EVA1C: variants seen among roughly 807,000 people sequenced by gnomAD.
EVA1C encodes eva-1 homolog C.
Under a neutral mutation model 45.4 loss-of-function variants are expected in EVA1C, and 25 were observed. That is an observed-to-expected ratio of 0.55 (90% CI 0.40 to 0.77). The LOEUF (loss-of-function observed/expected upper bound fraction) is 0.77. Among genes scored for constraint, EVA1C ranks in the 30% least tolerant of loss-of-function variants. The pLI is 0.00. For synonymous variants in EVA1C, 190 were observed against 221.2 expected, an observed-to-expected ratio of 0.86 and a Z score of 1.25; for missense variants, 479 against 554.8, an observed-to-expected ratio of 0.86 and a Z score of 1.37.
chr21:32,418,987 T>G (rs1034473629), intron 1 of EVA1C, among the ~76,000 whole-genome samples: 8 of 152,212 alleles, frequency 5.3e-5, no homozygotes, highest in Admixed American at 3.3e-4. Flanking sequence ...AAAAAAGGAG[T>G]TAAGTTTTGC....
rs192326747 is a variant in EVA1C at position 32,420,831 on chromosome 21, G to C, written c.160+7818G>C. Among the ~76,000 whole-genome samples the C allele has an allele frequency of 2.2e-3, 335 of 152,366 alleles. 1 individual carries two copies. Among genetic ancestry groups the C allele is most frequent in the Middle Eastern group, 3.4e-3 (1 of 294 alleles). On this transcript the variant is annotated intron_variant, in intron 1 of 7. Transcript: ENST00000300255. ...AAAAAGTTCAAGAAACTGAGGCAAAGAGCAATTTAGTAACTTTTGGGGATT... is the reference window on the plus strand; with the variant it reads ...AAAAAGTTCAAGAAACTGAGGCAAACAGCAATTTAGTAACTTTTGGGGATT...
intron 3 of EVA1C, among the ~76,000 whole-genome samples, chr21:32,461,129 G>A (rs2035982228): frequency 6.6e-6 from 1 of 152,228 alleles, no homozygotes; most frequent in South Asian, 2.1e-4. Flanking sequence ...TGCAGGGATG[G>A]AGGGCACAGA....
intron 1 of EVA1C, among the ~76,000 whole-genome samples, chr21:32,424,477 A>G (rs1251212003): frequency 6.6e-6 from 1 of 152,110 alleles, no homozygotes; most frequent in East Asian, 1.9e-4. Context: ...AAAAATGTAC[A>G]CTGAACCCAA....
At chr21:32,416,183 AT>A (rs904349235) in intron 1 of EVA1C, among the ~76,000 whole-genome samples, 25 of 151,322 alleles carry the variant, frequency 1.7e-4, no homozygotes, top group South Asian at 6.3e-4. Flanking sequence ...TTAGTTTGTG[AT>A]GGTCCCTCAG....
At chr21:32,460,942 C>T (rs1302332788) in intron 3 of EVA1C, among the ~76,000 whole-genome samples, 1 of 152,182 alleles carries the variant, frequency 6.6e-6, no homozygotes, top group East Asian at 1.9e-4. Flanking sequence ...GACAGGGTTT[C>T]ACCATGTTGG....
At chr21:32,508,119 CT>C (rs1022093934) in intron 7 of EVA1C, among the ~76,000 whole-genome samples, 35 of 152,222 alleles carry the variant, frequency 2.3e-4, no homozygotes, top group Non-Finnish European at 4.9e-4. Flanking sequence ...CCATTGTCCC[CT>C]GGCAGATTGT....
chr21:32,512,827 G>C (rs990537324), intron 7 of EVA1C, among the ~76,000 whole-genome samples: 1 of 152,078 alleles, frequency 6.6e-6, no homozygotes, highest in African/African-American at 2.4e-5. Context: ...CACAGAAGGA[G>C]AGGGTTTGGA....
In EVA1C at chr21:32,483,281, C is replaced by T. The variant is rs114849935; in HGVS notation, c.635-11746C>T. ...CCTGATTTGAATGTGGGTGGCCTGTCTGGCGCCCGAATGTGCAGCAGTGAC... is the reference window on the plus strand; with the variant it reads ...CCTGATTTGAATGTGGGTGGCCTGTTTGGCGCCCGAATGTGCAGCAGTGAC... On this transcript the variant is annotated intron_variant, in intron 4 of 7. Coordinates refer to ENST00000300255, the MANE Select transcript of EVA1C (RefSeq NM_058187.5). Among the ~76,000 whole-genome samples, 525 of 152,314 alleles carry T rather than the reference C, an allele frequency of 3.4e-3. 8 individuals are homozygous for T. The highest frequency in any genetic ancestry group is 0.012 in the African/African-American group (508 of 41,578).
chr21:32,506,329 A>G (rs1002413923), intron 7 of EVA1C, among the ~76,000 whole-genome samples: 37 of 149,874 alleles, frequency 2.5e-4, no homozygotes, highest in Admixed American at 1.3e-4. Context: ...ATATGGGCTT[A>G]TGAGCTTTTT....
intron 1 of EVA1C, among the ~76,000 whole-genome samples, chr21:32,447,446 T>C (rs1432220454): frequency 5.3e-5 from 8 of 152,032 alleles, no homozygotes; most frequent in Non-Finnish European, 1.0e-4. Flanking sequence ...TACACATACA[T>C]ATATGCACAA....
rs1434463488 is a variant in EVA1C, at chr21:32,474,432, C to T, written c.634+6584C>T. On this transcript the variant is annotated intron_variant, in intron 4 of 7. Coordinates refer to ENST00000300255, the MANE Select transcript of EVA1C (RefSeq NM_058187.5). The surrounding 1 kb of genome is among the most constrained non-coding windows in gnomAD (Gnocchi z 4.4). ...TGTGCTCACCCCATATCTTGTGTGG[C>T]TGGCTTTGCCACACAAGACATCGAC... Among the ~76,000 whole-genome samples, 1 of 152,186 alleles carries T rather than the reference C, an allele frequency of 6.6e-6. No homozygotes were observed. Among genetic ancestry groups the T allele is most frequent in the Non-Finnish European group, 1.5e-5 (1 of 68,042 alleles).
intron 1 of EVA1C, among the ~76,000 whole-genome samples, chr21:32,414,358 C>T (rs991877693): frequency 1.3e-5 from 2 of 152,034 alleles, no homozygotes; most frequent in African/African-American, 2.4e-5. Flanking sequence ...TCTGTATTAG[C>T]TGATTTGAGC....
chr21:32,445,589 C>G (rs1273202106), intron 1 of EVA1C, among the ~76,000 whole-genome samples: 1 of 152,118 alleles, frequency 6.6e-6, no homozygotes, highest in Non-Finnish European at 1.5e-5. Context: ...TTTCTATAGT[C>G]ACTGGATTAT....
intron 1 of EVA1C, among the ~76,000 whole-genome samples, chr21:32,435,811 T>C (rs1299425425): frequency 6.6e-6 from 1 of 152,274 alleles, no homozygotes; most frequent in East Asian, 1.9e-4. Context: ...TGTCTCAATT[T>C]ATCATGATAC....
At chr21:32,492,703 TC>T (rs986239765) in intron 4 of EVA1C, among the ~76,000 whole-genome samples, 1 of 105,982 alleles carries the variant, frequency 9.4e-6, no homozygotes, top group African/African-American at 3.9e-5. Flanking sequence ...AGGACAGTTT[TC>T]TTTTGTTTTT....
At chr21:32,420,640 C>T (rs1054535853) in intron 1 of EVA1C, among the ~76,000 whole-genome samples, 7 of 152,174 alleles carry the variant, frequency 4.6e-5, no homozygotes, top group East Asian at 3.9e-4. Flanking sequence ...GAGAGCCACC[C>T]GCCCTGGCCT....
intron 4 of EVA1C, among the ~76,000 whole-genome samples, chr21:32,476,787 G>A (rs865928784): frequency 2.0e-5 from 3 of 152,236 alleles, no homozygotes; most frequent in East Asian, 1.9e-4. Flanking sequence ...CAGTACTCCC[G>A]TATCCTGCAC....
intron 3 of EVA1C, among the ~76,000 whole-genome samples, chr21:32,461,026 G>A (rs573689525): frequency 3.3e-5 from 5 of 152,342 alleles, no homozygotes; most frequent in South Asian, 4.1e-4. Flanking sequence ...GATCACAGGC[G>A]TGAACCACAG....
At chr21:32,497,156 C>G in intron 5 of EVA1C, 1 of 798,048 alleles carries the variant, frequency 1.3e-6, no homozygotes, top group Non-Finnish European at 2.3e-6. Flanking sequence ...AGTGGGAAAA[C>G]TCTATCCACT....
Sources: gnomAD v4.1 joint callset for allele counts (sites outside exome capture counted in the v4.1 genomes callset) on GRCh38, gnomAD v4.1.1 for gene constraint, Gnocchi (gnomAD v3.1) non-coding constraint, MANE v1.5 for transcripts, NCBI Gene and HGNC (gene_info 2026-07-23, HGNC 2026-07-21) for gene names.